The following PUDP variants were observed in gnomAD, a reference collection of about 807,000 sequenced individuals.
PUDP encodes the protein pseudouridine 5'-phosphatase.
In PUDP, 8 loss-of-function variants were observed where a neutral mutation model predicts 9.4. That is an observed-to-expected ratio of 0.85 (90% CI 0.50 to 1.53). The LOEUF (loss-of-function observed/expected upper bound fraction) is 1.53, where lower values mean the gene tolerates loss of function less well. Ranked by LOEUF, PUDP falls within the 40% of genes most tolerant of loss-of-function variation. PUDP has a pLI of 0.00. For synonymous variants in PUDP, 99 were observed against 80.7 expected (o/e 1.23, Z -1.22); for missense variants, 188 against 189.7 (o/e 0.99, Z 0.05).
At chrX:6,890,935 CAAAAAAAAAAAAAAA>C (rs764486249) in intron 3 of PUDP, among the ~76,000 whole-genome samples, 431 of 33,152 alleles carry the variant, frequency 0.013, 11 homozygotes, top group African/African-American at 0.061. Context: ...CTCATCTCTC[CAAAAAAAAAAAAAAA>C]AAAAAAAAAA....
At chrX:6,963,912 G>A (rs958997481) in intron 3 of PUDP, among the ~76,000 whole-genome samples, 4 of 112,132 alleles carry the variant, frequency 3.6e-5, no homozygotes, top group African/African-American at 9.7e-5. Flanking sequence ...CTCTATATTC[G>A]TGGGAGGAAT....
intron 1 of PUDP, among the ~76,000 whole-genome samples, chrX:7,042,796 C>T (rs1456907630): frequency 2.7e-5 from 3 of 111,878 alleles, no homozygotes; most frequent in Non-Finnish European, 5.6e-5. Flanking sequence ...ACTCCTTGGC[C>T]TTACAAGACC....
intron 3 of PUDP, among the ~76,000 whole-genome samples, chrX:6,886,337 C>T (rs768401690): frequency 8.9e-6 from 1 of 111,984 alleles, no homozygotes; most frequent in Non-Finnish European, 1.9e-5. Flanking sequence ...ATTATAATGC[C>T]ACCTGTCTTG....
At chrX:7,075,935 C>T (rs1271548395) in intron 3 of PUDP, among the ~76,000 whole-genome samples, 1 of 111,053 alleles carries the variant, frequency 9.0e-6, no homozygotes, top group Non-Finnish European at 1.9e-5. Flanking sequence ...ACAGGTGGCC[C>T]CTGGAACGTG....
At chrX:6,931,578 G>A (rs753217163) in intron 3 of PUDP, among the ~76,000 whole-genome samples, 1 of 112,095 alleles carries the variant, frequency 8.9e-6, no homozygotes, top group Non-Finnish European at 1.9e-5. Flanking sequence ...TAAAATAATT[G>A]CATTTGCTAT....
intron 3 of PUDP, among the ~76,000 whole-genome samples, chrX:6,851,183 T>C (rs1219408659): frequency 1.8e-5 from 2 of 112,262 alleles, no homozygotes; most frequent in Non-Finnish European, 3.8e-5. Flanking sequence ...TTCTGAAGCA[T>C]CTTTGAAGAG....
At chrX:6,745,008 T>C (rs1249796436) in intron 3 of PUDP, among the ~76,000 whole-genome samples, 2 of 112,034 alleles carry the variant, frequency 1.8e-5, no homozygotes, top group African/African-American at 6.5e-5. Context: ...AGTCAGCAAC[T>C]ACTGTGACAA....
rs192981656 is a variant in PUDP at position 7,040,161 on chromosome X, T to G, written c.204+37059A>C. ...AGCACCCGTGGTCAGCCCCTTGGCC[T>G]GCATCCCCACCCTGGGCACTGGTGT... On this transcript the variant is annotated intron_variant and NMD_transcript_variant, in intron 1 of 3. Transcript: ENST00000655425. Among the ~76,000 whole-genome samples, 47 of 112,070 alleles carry G rather than the reference T, an allele frequency of 4.2e-4. 1 individual carries two copies. In the East Asian group the frequency reaches 7.7e-3, roughly 18 times the overall value.
chrX:7,070,480 G>A (rs1930696616), intron 3 of PUDP, among the ~76,000 whole-genome samples: 1 of 111,337 alleles, frequency 9.0e-6, no homozygotes, highest in South Asian at 3.8e-4. Context: ...CAGTGTGGCT[G>A]TGCCCGTAAC....
chrX:6,838,129 C>T (rs1926612789), intron 3 of PUDP, among the ~76,000 whole-genome samples: 2 of 112,367 alleles, frequency 1.8e-5, no homozygotes, highest in African/African-American at 6.5e-5. Flanking sequence ...TTCTTATCCC[C>T]CTCGCCAGTG....
chrX:7,066,555 A>G (rs1333920150), intron 3 of PUDP, among the ~76,000 whole-genome samples: 1 of 110,792 alleles, frequency 9.0e-6, no homozygotes, highest in Non-Finnish European at 1.9e-5. Context: ...CTCCTGTGAG[A>G]ATCTAATGTG....
chrX:6,726,888 A>G (rs1924744908), intron 3 of PUDP, among the ~76,000 whole-genome samples: 1 of 112,014 alleles, frequency 8.9e-6, no homozygotes, highest in Non-Finnish European at 1.9e-5. Flanking sequence ...CAATTTTTTT[A>G]CAATTTACTA....
At chrX:6,979,665 C>A (rs1302948565) in intron 1 of PUDP, among the ~76,000 whole-genome samples, 1 of 111,664 alleles carries the variant, frequency 9.0e-6, no homozygotes, top group Admixed American at 9.6e-5. Flanking sequence ...TAGGTCCCTG[C>A]AGAAAGCCAA....
chrX:7,044,756 A>C (rs80093896), downstream of PUDP, among the ~76,000 whole-genome samples: 1 of 112,613 alleles, frequency 8.9e-6, no homozygotes, highest in Non-Finnish European at 1.9e-5. Flanking sequence ...GCAGAAATTT[A>C]GAGTTATTTT....
chrX:6,877,686 A>G (rs942866232), intron 3 of PUDP, among the ~76,000 whole-genome samples: 1 of 111,911 alleles, frequency 8.9e-6, no homozygotes, highest in East Asian at 2.8e-4. Flanking sequence ...ATAGGCAGGC[A>G]CTTCCCAATG....
chrX:6,780,267 G>A (rs1258959347), intron 3 of PUDP, among the ~76,000 whole-genome samples: 1 of 109,205 alleles, frequency 9.2e-6, no homozygotes, highest in Admixed American at 9.8e-5. Flanking sequence ...ACACACAAAA[G>A]ACTGTATAAT....
At chrX:7,063,032 T>C (rs1292014070) in intron 3 of PUDP, among the ~76,000 whole-genome samples, 1 of 110,233 alleles carries the variant, frequency 9.1e-6, no homozygotes, top group Non-Finnish European at 1.9e-5. Context: ...GATGGCCTCA[T>C]GCAAACTGTC....
At chrX:6,966,451 T>C (rs368639417) in intron 3 of PUDP, among the ~76,000 whole-genome samples, 52 of 111,442 alleles carry the variant, frequency 4.7e-4, no homozygotes, top group African/African-American at 1.7e-3. Flanking sequence ...TCTTAATCAT[T>C]CCACCAACAC....
intron 1 of PUDP, among the ~76,000 whole-genome samples, chrX:7,026,586 G>C (rs1929713866): frequency 9.0e-6 from 1 of 111,424 alleles, no homozygotes; most frequent in Admixed American, 9.5e-5. Flanking sequence ...CATGCGGTTG[G>C]TCTCGCTCCA....
Sources: allele counts gnomAD v4.1 joint callset (sites outside exome capture counted in the v4.1 genomes callset), GRCh38; gene constraint gnomAD v4.1.1; transcripts MANE v1.5; gene names NCBI Gene and HGNC (gene_info 2026-07-23, HGNC 2026-07-21).